Variants in TRIM2 observed in about 807,000 individuals in gnomAD.
The protein encoded by TRIM2 is tripartite motif-containing protein 2.
Under a neutral mutation model 75.2 loss-of-function variants are expected in TRIM2, and 20 were observed. The ratio of observed to expected loss-of-function variants is 0.27; its 90% CI spans 0.19 to 0.39. The LOEUF (loss-of-function observed/expected upper bound fraction) is 0.39. Among genes scored for constraint, TRIM2 ranks in the 10% least tolerant of loss-of-function variants. The probability of loss-of-function intolerance (pLI) is 1.00; values close to 1 mark genes in which losing one functional copy is unlikely to be tolerated. For missense variants in TRIM2, 660 were observed against 990.8 expected, an observed-to-expected ratio of 0.67 and a Z score of 4.48; for synonymous variants, 373 against 388.3, an observed-to-expected ratio of 0.96 and a Z score of 0.46.
At chr4:153,278,442 C>A (rs1280541710) in intron 3 of TRIM2, among the ~76,000 whole-genome samples, 1 of 152,154 alleles carries the variant, frequency 6.6e-6, no homozygotes, top group African/African-American at 2.4e-5. Flanking sequence ...GTCATTATTT[C>A]TCATTCTACA....
intron 8 of TRIM2, among the ~76,000 whole-genome samples, chr4:153,317,056 A>G (rs958773726): frequency 2.0e-5 from 3 of 150,600 alleles, no homozygotes; most frequent in Non-Finnish European, 4.4e-5. Flanking sequence ...AACTTTTTGC[A>G]TTTTTAGTAG....
At chr4:153,230,339 A>C (rs904042326) in intron 1 of TRIM2, among the ~76,000 whole-genome samples, 4 of 152,082 alleles carry the variant, frequency 2.6e-5, no homozygotes, top group African/African-American at 9.7e-5. Flanking sequence ...TGCCACCATG[A>C]CTGGCTACTT....
At chr4:153,255,205 C>T (rs1445117583) in intron 1 of TRIM2, among the ~76,000 whole-genome samples, 1 of 152,148 alleles carries the variant, frequency 6.6e-6, no homozygotes, top group Admixed American at 6.6e-5. Flanking sequence ...ATCCTCATTG[C>T]CTACTCAGTG....
rs1440501034 is a variant in TRIM2, at chr4:153,328,547, A to G, written c.2040A>G (p.Gly680=). The stretch of plus-strand genomic sequence containing the variant: ...TCATACAGGTGTTTAATCAGGAAGG[A>G]GAATTCATGTTGAAGTTTGGCTCAA... ...NHSVKVFNQE[G]EFMLKFGSNG... is the part of the protein sequence containing the mutation. Residue 680 remains glycine (G), a synonymous_variant, in exon 11 of 12, where the codon GGA becomes GGG. Coordinates refer to ENST00000338700, the MANE Select transcript of TRIM2 (RefSeq NM_015271.5). The G allele has an allele frequency of 6.2e-7, 1 of 1,611,676 alleles. No homozygotes were observed. The highest frequency in any genetic ancestry group is 1.1e-5 in the South Asian group (1 of 90,454).
At chr4:153,186,768 T>C (rs995602797) in intron 1 of TRIM2, among the ~76,000 whole-genome samples, 1 of 152,138 alleles carries the variant, frequency 6.6e-6, no homozygotes, top group Non-Finnish European at 1.5e-5. Flanking sequence ...TCTCTGTTCA[T>C]ATCAAAAAAA....
intron 1 of TRIM2, among the ~76,000 whole-genome samples, chr4:153,239,832 C>CTTTTTTTTTTTTTTTTTT (rs142457664): frequency 7.2e-6 from 1 of 139,448 alleles, no homozygotes. Context: ...AACTTTCTTT[C>CTTTTTTTTTTTTTTTTTT]TCTTTTTTTT....
chr4:153,286,535 C>A (rs1202043009), intron 3 of TRIM2, among the ~76,000 whole-genome samples: 1 of 152,070 alleles, frequency 6.6e-6, no homozygotes, highest in Non-Finnish European at 1.5e-5. Flanking sequence ...CTTTGTATTT[C>A]TTCATGTCAG....
chr4:153,325,009 A>T (rs1185072830), intron 10 of TRIM2, among the ~76,000 whole-genome samples: 2 of 152,262 alleles, frequency 1.3e-5, no homozygotes, highest in African/African-American at 4.8e-5. Flanking sequence ...AGGAAAAATG[A>T]TAAGGAAACA....
Position 153,337,900 on chromosome 4 carries a change from C to G in TRIM2, c.*2934C>G. 1.0e-6 allele frequency: 1 copy of G among 985,754 alleles called. No homozygotes were observed. Among genetic ancestry groups the G allele is most frequent in the East Asian group, 1.1e-4 (1 of 8,818 alleles). The allele number at this position is 985,754 out of a possible 1,614,324, so 61.1% of individuals were successfully genotyped here. ...CGACGCATTTCCTCCCAGTACAGAC[C>G]CCCCAGCCCCCCTTGCTGGACATGG... is the stretch of plus-strand genomic sequence containing the variant. On this transcript the variant is annotated 3_prime_UTR_variant, in exon 12 of 12. Coordinates refer to ENST00000338700, the MANE Select transcript of TRIM2 (RefSeq NM_015271.5).
intron 6 of TRIM2, among the ~76,000 whole-genome samples, chr4:153,302,208 CATT>C (rs1225613562): frequency 3.9e-5 from 6 of 152,152 alleles, no homozygotes; most frequent in African/African-American, 1.4e-4. Context: ...TTCATCCCTA[CATT>C]GTTGTTGTTG....
At chr4:153,280,057 A>G (rs1758912491) in intron 3 of TRIM2, among the ~76,000 whole-genome samples, 1 of 151,766 alleles carries the variant, frequency 6.6e-6, no homozygotes, top group Admixed American at 6.6e-5. Flanking sequence ...TTGGGTGATA[A>G]AGCGAGACCC....
rs2149613784 is a variant in TRIM2 at position 153,337,156 on chromosome 4, G to C, written c.*2190G>C. 2 of 985,334 alleles carry C rather than the reference G, an allele frequency of 2.0e-6. No individual in the cohort carries two copies. The highest frequency in any genetic ancestry group is 9.4e-5 in the South Asian group (2 of 21,282). 61.0% of individuals were successfully genotyped at this position (985,334 alleles called of 1,614,324 possible). ...AGACTCTTGTCTAGATTGTTTAAAA[G>C]AAACTTTTCAAATTGGTTACATTAA... On this transcript the variant is annotated 3_prime_UTR_variant, in exon 12 of 12. Transcript: ENST00000338700.
intron 1 of TRIM2, among the ~76,000 whole-genome samples, chr4:153,259,342 C>G (rs769442223): frequency 6.6e-6 from 1 of 152,082 alleles, no homozygotes; most frequent in African/African-American, 2.4e-5. Context: ...TGTTCTTTAT[C>G]TGGGTATCCT....
At chr4:153,244,067 G>C (rs1578874802) in intron 1 of TRIM2, among the ~76,000 whole-genome samples, 1 of 151,888 alleles carries the variant, frequency 6.6e-6, no homozygotes, top group Admixed American at 6.6e-5. Flanking sequence ...CAATACTCTT[G>C]CCTCAGCCTC....
chr4:153,170,246 C>G (rs534623881), intron 1 of TRIM2, among the ~76,000 whole-genome samples: 2 of 152,318 alleles, frequency 1.3e-5, no homozygotes, highest in Admixed American at 1.3e-4. Context: ...CTGATTGTAA[C>G]AAACAAGTTA....
intron 1 of TRIM2, among the ~76,000 whole-genome samples, chr4:153,252,238 T>C (rs1251658335): frequency 6.6e-6 from 1 of 152,208 alleles, no homozygotes; most frequent in African/African-American, 2.4e-5. Context: ...TATCTCACAC[T>C]GAAACACATC....
intron 3 of TRIM2, among the ~76,000 whole-genome samples, chr4:153,281,367 C>T (rs1035414331): frequency 1.3e-5 from 2 of 152,132 alleles, no homozygotes; most frequent in Non-Finnish European, 2.9e-5. Flanking sequence ...AGATAAAGCT[C>T]AAAAATTGGA....
chr4:153,244,287 TCCTCCTCCTCCTCCTCCTCCTCCTCC>T (rs1560873379), intron 1 of TRIM2, among the ~76,000 whole-genome samples: 3 of 30,238 alleles, frequency 9.9e-5, no homozygotes, highest in African/African-American at 5.3e-4. Context: ...CTCCTCCTCC[TCCTCCTCCTCCTCCTCCTCCTCCTCC>T]TCCTCCTCTT....
intron 6 of TRIM2, among the ~76,000 whole-genome samples, 161 bp downstream of exon 6, chr4:153,296,197 A>G (rs1477746904): frequency 6.6e-6 from 1 of 152,168 alleles, no homozygotes; most frequent in Admixed American, 6.5e-5. Context: ...AGTCGAGCTT[A>G]TGCAGTCTCC....
Sources: allele counts gnomAD v4.1 joint callset (sites outside exome capture counted in the v4.1 genomes callset), GRCh38; gene constraint gnomAD v4.1.1; transcripts MANE v1.5; gene names NCBI Gene and HGNC (gene_info 2026-07-23, HGNC 2026-07-21).